The following MICAL2 variants were observed in gnomAD, a reference collection of about 807,000 sequenced individuals.
MICAL2 encodes microtubule associated monooxygenase, calponin and LIM domain containing 2, also known as [F-actin]-monooxygenase MICAL2.
MICAL2 carries 77 observed loss-of-function variants against 127.3 expected under a neutral mutation model. The ratio of observed to expected loss-of-function variants is 0.60; its 90% CI spans 0.50 to 0.73. The LOEUF (loss-of-function observed/expected upper bound fraction) is 0.73, where lower values mean the gene tolerates loss of function less well. MICAL2 is among the 30% of genes least tolerant of loss of function. MICAL2 has a pLI of 0.00. For missense variants in MICAL2, 1,351 were observed against 1,434.4 expected (o/e 0.94, Z 0.94); for synonymous variants, 570 against 551.1 (o/e 1.03, Z -0.48).
At chr11:12,183,964 A>G (rs776036296) in intron 3 of MICAL2, among the ~76,000 whole-genome samples, 3 of 152,080 alleles carry the variant, frequency 2.0e-5, no homozygotes, top group Non-Finnish European at 4.4e-5. Flanking sequence ...GTGCTTTTGC[A>G]GAGATGGGTT....
intron 3 of MICAL2, among the ~76,000 whole-genome samples, chr11:12,188,246 A>G (rs1372114002): frequency 1.3e-5 from 2 of 152,246 alleles, no homozygotes; most frequent in Non-Finnish European, 2.9e-5. Context: ...TATTTTGCAT[A>G]TAATAGATTA....
chr11:12,238,938 AAGG>A (rs1859486820), intron 16 of MICAL2, among the ~76,000 whole-genome samples: 1 of 152,076 alleles, frequency 6.6e-6, no homozygotes. Context: ...ACAGAGGAGA[AAGG>A]AGAAAGATCT....
In MICAL2 at chr11:12,164,070, C is replaced by T. The variant is rs534834025; in HGVS notation, c.264+1651C>T. ...GGAGTCAGCCAGCAGAGGGATGGAA[C>T]GGAGGGCTGACCACCAAGAAGAGAC... On this transcript the variant is annotated intron_variant, in intron 3 of 27. Transcript: ENST00000683283. Among the ~76,000 whole-genome samples, 211 of 150,590 alleles carry T rather than the reference C, an allele frequency of 1.4e-3. 1 individual carries two copies. The highest frequency in any genetic ancestry group is 4.8e-3 in the African/African-American group (197 of 40,968).
rs1395088920 is a variant in MICAL2, at chr11:12,180,881, CAG to C, written c.264+18467_264+18468del. The stretch of plus-strand genomic sequence containing the variant: ...CAGTTGATCTTGGGTGATAAGGATA[CAG>C]AGAGGGCTCAGAAATTATTCTTGCC... On this transcript the variant is annotated intron_variant, in intron 3 of 27. Coordinates refer to ENST00000683283, the MANE Select transcript of MICAL2 (RefSeq NM_001282663.2). Among the ~76,000 whole-genome samples, 5 of 149,692 alleles carry C rather than the reference CAG, an allele frequency of 3.3e-5. No individual in the cohort carries two copies. The East Asian group carries it at 5.8e-4, about 17-fold the overall frequency.
intron 18 of MICAL2, 46 bp from the exon 19 acceptor site, chr11:12,242,168 A>G: frequency 6.7e-7 from 1 of 1,499,388 alleles, no homozygotes; most frequent in Non-Finnish European, 9.0e-7. Flanking sequence ...AGGGTGTATG[A>G]AAGGGCCGCA....
intron 22 of MICAL2, among the ~76,000 whole-genome samples, chr11:12,249,731 C>A (rs1003906794): frequency 2.8e-4 from 42 of 152,246 alleles, no homozygotes; most frequent in African/African-American, 1.0e-3. Context: ...ATGCTCCTGG[C>A]AGGCTGTGTG....
At chr11:12,205,313 T>C in intron 4 of MICAL2, among the ~76,000 whole-genome samples, 1 of 152,192 alleles carries the variant, frequency 6.6e-6, no homozygotes, top group East Asian at 1.9e-4. Flanking sequence ...AGCTGTTTTA[T>C]ATGCAGTTGA....
At chr11:12,330,809 G>GAGAGAGAGAGAGAGAGAGAC (rs1864408887) in intron 32 of MICAL2, among the ~76,000 whole-genome samples, 1 of 150,556 alleles carries the variant, frequency 6.6e-6, no homozygotes, top group Admixed American at 6.6e-5. Flanking sequence ...GAGAGACAGA[G>GAGAGAGAGAGAGAGAGAGAC]AGAGAGAGAG....
chr11:12,206,395 C>A (rs903270270), intron 4 of MICAL2, among the ~76,000 whole-genome samples: 3 of 152,136 alleles, frequency 2.0e-5, no homozygotes, highest in Non-Finnish European at 2.9e-5. Context: ...GCAGAATGAT[C>A]ATTGTCAAGG....
chr11:12,289,605 G>T (rs1863871997), downstream of MICAL2, among the ~76,000 whole-genome samples: 1 of 132,144 alleles, frequency 7.6e-6, no homozygotes, highest in African/African-American at 2.7e-5. Flanking sequence ...GTCTCACTTG[G>T]TCACCCAGAC....
intron 2 of MICAL2, among the ~76,000 whole-genome samples, chr11:12,140,015 C>A (rs1852193411): frequency 6.6e-6 from 1 of 152,162 alleles, no homozygotes; most frequent in Admixed American, 6.5e-5. Flanking sequence ...TCTACCTTTT[C>A]TTGCAACTTC....
chr11:12,260,588 C>G, intron 26 of MICAL2: 1 of 991,344 alleles, frequency 1.0e-6, no homozygotes, highest in Non-Finnish European at 1.2e-6. Flanking sequence ...AGATTTTACA[C>G]GCATGAAAAT....
At chr11:12,269,555 G>A (rs568775784) in intron 24 of MICAL2, among the ~76,000 whole-genome samples, 1 of 152,278 alleles carries the variant, frequency 6.6e-6, no homozygotes, top group South Asian at 2.1e-4. Flanking sequence ...GGAGCCATGT[G>A]CTGAGGGCTG....
chr11:12,250,774 G>A (rs1266820418), intron 22 of MICAL2, among the ~76,000 whole-genome samples: 1 of 152,194 alleles, frequency 6.6e-6, no homozygotes, highest in African/African-American at 2.4e-5. Flanking sequence ...TCTTTGACCA[G>A]ATCATCAGAT....
At chr11:12,341,565 G>A (rs557879781) in intron 32 of MICAL2, among the ~76,000 whole-genome samples, 68 of 152,246 alleles carry the variant, frequency 4.5e-4, no homozygotes, top group Middle Eastern at 3.4e-3. Flanking sequence ...GGTGGCTTAT[G>A]CCTCTAATCC....
downstream of MICAL2, among the ~76,000 whole-genome samples, chr11:12,291,896 G>A (rs1187502355): frequency 6.6e-6 from 1 of 152,100 alleles, no homozygotes; most frequent in Non-Finnish European, 1.5e-5. Flanking sequence ...GAGCATCATC[G>A]CATGAGTCTG....
downstream of MICAL2, chr11:12,294,820 T>G (rs199574730): frequency 1.3e-6 from 2 of 1,513,500 alleles, no homozygotes; most frequent in Non-Finnish European, 1.8e-6. Flanking sequence ...CTCCTCCTCC[T>G]CCTCCTCCTC....
At position 12,183,167 on chromosome 11, in the gene MICAL2, T is replaced by C. The variant is rs530433884; in HGVS notation, c.264+20748T>C. On this transcript the variant is annotated intron_variant, in intron 3 of 27. Transcript: ENST00000683283. ...CTTCATGAAACCATATCCTGACTCCTTTTTTTTTTTCTTTTTTTTAAATCC... is the reference window on the plus strand; with the variant it reads ...CTTCATGAAACCATATCCTGACTCCCTTTTTTTTTTCTTTTTTTTAAATCC... Among the ~76,000 whole-genome samples the C allele has an allele frequency of 6.1e-3, 373 of 61,382 alleles. 6 individuals carry two copies. The highest frequency in any genetic ancestry group is 0.012 in the East Asian group (46 of 3,910). The allele number at this position is 61,382 out of a possible 152,430, so 40.3% of individuals were successfully genotyped here.
chr11:12,323,249 C>T (rs1366179171), intron 30 of MICAL2, among the ~76,000 whole-genome samples: 1 of 152,140 alleles, frequency 6.6e-6, no homozygotes, highest in Non-Finnish European at 1.5e-5. Flanking sequence ...TACACACACA[C>T]CCAGTGACAG....
Sources: allele counts gnomAD v4.1 joint callset (sites outside exome capture counted in the v4.1 genomes callset), GRCh38; gene constraint gnomAD v4.1.1; transcripts MANE v1.5; gene names NCBI Gene and HGNC (gene_info 2026-07-23, HGNC 2026-07-21).